The following ABI3BP variants were observed in gnomAD, a reference collection of about 807,000 sequenced individuals.
ABI3BP encodes the protein ABI family member 3 binding protein.
Under a neutral mutation model 268.6 loss-of-function variants are expected in ABI3BP, and 216 were observed. That is an observed-to-expected ratio of 0.80 (90% CI 0.72 to 0.90). ABI3BP has a LOEUF of 0.90. Ranked by LOEUF, ABI3BP falls within the 40% of genes least tolerant of loss-of-function variation. The probability of loss-of-function intolerance (pLI) is 0.00; values close to 1 mark genes in which losing one functional copy is unlikely to be tolerated. For missense variants in ABI3BP, 2,090 were observed against 2,182.4 expected (o/e 0.96, Z 0.84); for synonymous variants, 730 against 730.0 (o/e 1.00, Z 0.00).
intron 13 of ABI3BP, 113 bp downstream of exon 13, chr3:100,862,725 G>A (rs181175255): frequency 6.7e-4 from 477 of 707,942 alleles, no homozygotes; most frequent in Admixed American, 1.7e-3. Context: ...CCATTTGTTT[G>A]CCTAACTATC....
chr3:100,867,377 C>T (rs543058384), intron 9 of ABI3BP, among the ~76,000 whole-genome samples: 9 of 152,108 alleles, frequency 5.9e-5, no homozygotes, highest in African/African-American at 2.2e-4. Flanking sequence ...CGTGGTGGCT[C>T]ATGCTTGTAA....
At chr3:100,913,201 A>C (rs1050401477) in intron 2 of ABI3BP, among the ~76,000 whole-genome samples, 8 of 152,296 alleles carry the variant, frequency 5.3e-5, no homozygotes, top group African/African-American at 1.9e-4. Context: ...TTTACACCAC[A>C]ACAGCAAACT....
chr3:100,780,958 T>C (rs2096847339), intron 57 of ABI3BP, among the ~76,000 whole-genome samples: 2 of 152,298 alleles, frequency 1.3e-5, no homozygotes, highest in African/African-American at 4.8e-5. Flanking sequence ...TTTGATATTA[T>C]AAAATAATCT....
chr3:100,774,139 T>C (rs187085151), intron 61 of ABI3BP, among the ~76,000 whole-genome samples: 4 of 152,340 alleles, frequency 2.6e-5, no homozygotes, highest in Admixed American at 2.6e-4. Flanking sequence ...TTCAAAACTA[T>C]TCTTTATGTC....
rs960375407 is a variant in ABI3BP, at chr3:100,838,578, T to C, written c.1946-114A>G. On this transcript the variant is annotated intron_variant, in intron 24 of 67. Coordinates refer to ENST00000471714, the MANE Select transcript of ABI3BP (RefSeq NM_001375547.2). ...TAAATTCAACGAATCTATAAACATT[T>C]CTGGGGTGTGGGAAGGGTGAAAAGA... 3.3e-6 allele frequency: 3 copies of C among 913,236 alleles called. No homozygotes were observed. The African/African-American group carries it at 4.9e-5, about 15-fold the overall frequency. The allele number at this position is 913,236 out of a possible 1,614,324, so 56.6% of individuals were successfully genotyped here.
chr3:100,960,005 C>T (rs962764028), intron 1 of ABI3BP, among the ~76,000 whole-genome samples: 14 of 152,184 alleles, frequency 9.2e-5, no homozygotes, highest in African/African-American at 2.7e-4. Flanking sequence ...TTATAACACA[C>T]TGTCAAGAGA....
At chr3:100,813,638 G>C in intron 45 of ABI3BP, 23 bp downstream of exon 45, 1 of 1,517,052 alleles carries the variant, frequency 6.6e-7, no homozygotes, top group Non-Finnish European at 8.9e-7. Flanking sequence ...AGTATACCCA[G>C]ACAGATAAAA....
intron 1 of ABI3BP, among the ~76,000 whole-genome samples, chr3:100,968,075 G>T (rs528460156): frequency 6.6e-6 from 1 of 152,150 alleles, no homozygotes; most frequent in African/African-American, 2.4e-5. Context: ...TGCCATGGAC[G>T]AGCCTGGGGA....
chr3:100,954,921 AG>A (rs1396634059), intron 1 of ABI3BP, among the ~76,000 whole-genome samples: 1 of 152,098 alleles, frequency 6.6e-6, no homozygotes, highest in Non-Finnish European at 1.5e-5. Context: ...GTCACCACCA[AG>A]CCCAGGGCAA....
intron 26 of ABI3BP, among the ~76,000 whole-genome samples, chr3:100,837,786 T>C (rs1449049319): frequency 1.3e-5 from 2 of 152,052 alleles, no homozygotes; most frequent in Non-Finnish European, 2.9e-5. Context: ...TAAAATAAAA[T>C]GTCAATAGAG....
chr3:100,822,131 C>A (rs557666173), intron 38 of ABI3BP, among the ~76,000 whole-genome samples: 1 of 152,288 alleles, frequency 6.6e-6, no homozygotes, highest in South Asian at 2.1e-4. Flanking sequence ...TGCACAGATA[C>A]TGCCCCATAC....
chr3:100,772,936 G>A (rs9836360), intron 61 of ABI3BP, among the ~76,000 whole-genome samples: 18,989 of 151,822 alleles, frequency 0.13, 1,254 homozygotes, highest in Middle Eastern at 0.15. Context: ...AAAACTATGG[G>A]GATGGTGACG....
rs2098090179 is a variant in ABI3BP, at chr3:100,817,466, A to G, written c.3118T>C (p.Phe1040Leu). The stretch of plus-strand genomic sequence containing the variant: ...GTTGTTTCTGGAAACTTGGTTCTAA[A>G]AGTGTCAGGTTCAAGGACTGTAGTA... Reference protein sequence around the residue: ...VVTTVLEPDTFRTKFPETTLA... With the variant: ...VVTTVLEPDTLRTKFPETTLA... The change falls in exon 42 of 68, where the codon TTT (phenylalanine) becomes CTT (leucine). Residue 1040 changes from phenylalanine to leucine, a missense_variant. Transcript: ENST00000471714. 1 of 1,512,044 alleles carries G rather than the reference A, an allele frequency of 6.6e-7. No homozygotes were observed. The highest frequency in any genetic ancestry group is 1.4e-5 in the African/African-American group (1 of 72,774). 93.7% of individuals were successfully genotyped at this position (1,512,044 alleles called of 1,614,324 possible).
chr3:100,926,986 A>C (rs2061987484), intron 1 of ABI3BP, among the ~76,000 whole-genome samples: 1 of 152,164 alleles, frequency 6.6e-6, no homozygotes, highest in African/African-American at 2.4e-5. Context: ...TGGAAGGCAG[A>C]GAACGGTTGA....
At chr3:100,866,698 A>G (rs2099053761) in intron 10 of ABI3BP, among the ~76,000 whole-genome samples, 181 bp downstream of exon 10, 1 of 152,158 alleles carries the variant, frequency 6.6e-6, no homozygotes, top group South Asian at 2.1e-4. Context: ...ATGTGATTCA[A>G]TACTCCATTT....
In ABI3BP at chr3:100,864,911, A is replaced by AACACTTTACAAATT; in HGVS notation, c.989-5_989-4insAATTTGTAAAGTGT. ...CTTGGAACTGTTTCAGGAGTCACTGAAAGGTAAAAAGCACAACTTTACAAA... is the reference window on the plus strand; with the variant it reads ...CTTGGAACTGTTTCAGGAGTCACTGAACACTTTACAAATTAAGGTAAAAAGCACAACTTTACAAA... On this transcript the variant is annotated splice_region_variant and splice_polypyrimidine_tract_variant and intron_variant, in intron 10 of 67. Coordinates refer to ENST00000471714, the MANE Select transcript of ABI3BP (RefSeq NM_001375547.2). The AACACTTTACAAATT allele has an allele frequency of 6.3e-7, 1 of 1,598,126 alleles. No homozygotes were observed. The highest frequency in any genetic ancestry group is 8.5e-7 in the Non-Finnish European group (1 of 1,172,430).
chr3:100,856,937 C>A (rs1047206577), intron 14 of ABI3BP, among the ~76,000 whole-genome samples: 3 of 152,074 alleles, frequency 2.0e-5, no homozygotes, highest in African/African-American at 7.2e-5. Flanking sequence ...GACCTCAGAG[C>A]CCAGTTTATA....
At chr3:100,913,620 G>A (rs534153328) in intron 2 of ABI3BP, among the ~76,000 whole-genome samples, 8 of 152,224 alleles carry the variant, frequency 5.3e-5, no homozygotes, top group African/African-American at 1.9e-4. Flanking sequence ...TAAGAATAGA[G>A]TAGCATAAGT....
chr3:100,941,086 T>C (rs1242060449), intron 1 of ABI3BP, among the ~76,000 whole-genome samples: 1 of 151,418 alleles, frequency 6.6e-6, no homozygotes, highest in African/African-American at 2.4e-5. Flanking sequence ...ATAAGCCACA[T>C]AGATAGCTGC....
Sources: allele counts gnomAD v4.1 joint callset (sites outside exome capture counted in the v4.1 genomes callset), GRCh38; gene constraint gnomAD v4.1.1; transcripts MANE v1.5; gene names NCBI Gene and HGNC (gene_info 2026-07-23, HGNC 2026-07-21).